Variants in SLC26A9 observed in about 807,000 individuals in gnomAD.
SLC26A9 encodes anion transporter/exchanger protein 9.
In SLC26A9, 46 loss-of-function variants were observed where a neutral mutation model predicts 87.1. That is an observed-to-expected ratio of 0.53 (90% confidence interval 0.42 to 0.67). The LOEUF (loss-of-function observed/expected upper bound fraction) is 0.67. Ranked by LOEUF, SLC26A9 falls within the 30% of genes least tolerant of loss-of-function variation. The pLI, the probability that SLC26A9 is intolerant of heterozygous loss-of-function variation, is 0.00. For missense variants in SLC26A9, 927 were observed against 1,018.3 expected, an observed-to-expected ratio of 0.91 and a Z score of 1.22; for synonymous variants, 437 against 409.1, an observed-to-expected ratio of 1.07 and a Z score of -0.82.
At position 205,924,468 on chromosome 1, in the gene SLC26A9, G is replaced by A; in HGVS notation, c.1411C>T (p.Leu471Phe). 6.2e-7 allele frequency: 1 copy of A among 1,614,178 alleles called. No homozygotes were observed. Among genetic ancestry groups the A allele is most frequent in the Non-Finnish European group, 8.5e-7 (1 of 1,180,032 alleles). ...LDCCIWVVSF[L>F]SSFFLSLPYG... ...GGCAGGCTGAGGAAGAAGGAGGAGA[G>A]GAAGCTCACTACCCAGATGCACTGT... The change falls in exon 13 of 21, where the codon CTC becomes TTC. Residue 471 changes from leucine (L) to phenylalanine (F), a missense_variant. Leu to Phe is a conservative substitution (Grantham distance 22, BLOSUM62 0). Transcript: ENST00000367135.
rs902002881 is a variant in SLC26A9 at position 205,926,526 on chromosome 1, G to A, written c.1389+9C>T. 7 of 1,612,984 alleles carry A rather than the reference G, an allele frequency of 4.3e-6. No homozygotes were observed. The highest frequency in any genetic ancestry group is 2.2e-5 in the East Asian group (1 of 44,882). On this transcript the variant is annotated intron_variant, in intron 12 of 20. Coordinates refer to ENST00000367135, the MANE Select transcript of SLC26A9 (RefSeq NM_052934.4). Reference sequence around the variant, plus strand: ...CATGGCCAGTACCCAGAGGCTGCCCGATACTTACACAGTCCAGCTTGCTCT... The same window carrying A: ...CATGGCCAGTACCCAGAGGCTGCCCAATACTTACACAGTCCAGCTTGCTCT...
intron 9 of SLC26A9, 137 bp from the exon 10 acceptor site, chr1:205,927,742 T>C: frequency 1.4e-6 from 2 of 1,395,252 alleles, no homozygotes; most frequent in Non-Finnish European, 2.0e-6. Context: ...ACATTCCCAG[T>C]CAAGAGGAGG....
intron 4 of SLC26A9, 106 bp downstream of exon 4, chr1:205,932,596 A>G: frequency 2.1e-6 from 2 of 947,444 alleles, no homozygotes; most frequent in Non-Finnish European, 3.1e-6. Flanking sequence ...CTGACCAGGA[A>G]CAACTCCAGG....
Position 205,923,598 on chromosome 1 carries a change from T to C in SLC26A9, c.1512A>G (p.Ala504=), listed in dbSNP as rs1020488115. Residue 504 remains alanine, a synonymous_variant, in exon 14 of 21, where the codon GCA becomes GCG. Transcript: ENST00000367135. ...TGTCAGTGTCCATGACCTGGGCCAG[T>C]GCATAGCCATTTCGACTGGATGAAG... is the stretch of plus-strand genomic sequence containing the variant. ...VFQTQFRNGY[A]LAQVMDTDIY... The C allele has an allele frequency of 1.2e-6, 2 of 1,614,080 alleles. No homozygotes were observed. The highest frequency in any genetic ancestry group is 1.1e-5 in the South Asian group (1 of 91,082).
intron 19 of SLC26A9, among the ~76,000 whole-genome samples, chr1:205,918,457 C>T (rs1478742324): frequency 1.3e-5 from 2 of 152,142 alleles, no homozygotes; most frequent in Admixed American, 6.6e-5. Context: ...CCTCCCTTCC[C>T]GAAAGCCCCC....
rs74979119 is a variant in SLC26A9, at chr1:205,941,737, C to T, written c.-19+1628G>A. Among the ~76,000 whole-genome samples the T allele has an allele frequency of 5.0e-3, 763 of 152,262 alleles. 4 individuals are homozygous for T. Among genetic ancestry groups the T allele is most frequent in the African/African-American group, 0.018 (743 of 41,550 alleles). On this transcript the variant is annotated intron_variant, in intron 1 of 20. Coordinates refer to ENST00000367135, the MANE Select transcript of SLC26A9 (RefSeq NM_052934.4). ...GGGTGCTGGGCTGAGGAAATAGGCT[C>T]CAGAAAGAGGGACCAAGGCTAGACT...
chr1:205,926,481 G>T, intron 12 of SLC26A9, 54 bp downstream of exon 12: 1 of 1,433,674 alleles, frequency 7.0e-7, no homozygotes, highest in Non-Finnish European at 9.8e-7. Flanking sequence ...GGGCTGTGGG[G>T]TTGGAGGAGA....
chr1:205,936,493 G>T (rs1253972451), intron 1 of SLC26A9, among the ~76,000 whole-genome samples: 11 of 152,092 alleles, frequency 7.2e-5, no homozygotes, highest in Non-Finnish European at 1.2e-4. Flanking sequence ...GTGTACTGCC[G>T]CTCCTCTCCT....
chr1:205,921,453 C>T, intron 17 of SLC26A9, 113 bp downstream of exon 17: 2 of 1,358,376 alleles, frequency 1.5e-6, no homozygotes, highest in Non-Finnish European at 2.0e-6. Flanking sequence ...GTTAGTCTCC[C>T]CAGTGAGCTT....
At position 205,930,016 on chromosome 1, in the gene SLC26A9, T is replaced by C; in HGVS notation, c.593A>G (p.Tyr198Cys). 1 of 1,613,156 alleles carries C rather than the reference T, an allele frequency of 6.2e-7. No individual in the cohort carries two copies. Among genetic ancestry groups the C allele is most frequent in the Non-Finnish European group, 8.5e-7 (1 of 1,179,276 alleles). ...GFMQFGFVAI[Y>C]LSESFIRGFM... ...GCCCCGGATGAAGGACTCGGAGAGGTAGATGGCCACAAAGCCAAACTGCAT... is the reference window on the plus strand; with the variant it reads ...GCCCCGGATGAAGGACTCGGAGAGGCAGATGGCCACAAAGCCAAACTGCAT... Residue 198 changes from tyrosine to cysteine, a missense_variant, in exon 6 of 21, where the codon TAC becomes TGC. Tyr to Cys is a radical substitution (Grantham distance 194). Coordinates refer to ENST00000367135, the MANE Select transcript of SLC26A9 (RefSeq NM_052934.4).
intron 5 of SLC26A9, among the ~76,000 whole-genome samples, chr1:205,931,465 G>GTTTTTTTTTGTTTTTTTTTTTTT (rs1659301135): frequency 1.0e-5 from 1 of 96,012 alleles, no homozygotes; most frequent in Non-Finnish European, 2.0e-5. Context: ...CCCTAACTTG[G>GTTTTTTTTTGTTTTTTTTTTTTT]TTTTTTTTTT....
intron 10 of SLC26A9, 100 bp downstream of exon 10, chr1:205,927,392 A>G: frequency 1.3e-6 from 2 of 1,552,930 alleles, no homozygotes; most frequent in Non-Finnish European, 1.8e-6. Context: ...GACGGGAAGA[A>G]GGGGTCGGAG....
At position 205,922,294 on chromosome 1, in the gene SLC26A9, G is replaced by A. The variant is rs1658874314; in HGVS notation, c.1774-447C>T. The stretch of plus-strand genomic sequence containing the variant: ...TGGGATTACAGGTGCCCACCACCAC[G>A]CCTGGCTAATTTTTGTGTATTTTTA... On this transcript the variant is annotated intron_variant, in intron 16 of 20. Transcript: ENST00000367135. 2.6e-5 allele frequency among the ~76,000 whole-genome samples: 4 copies of A among 152,276 alleles called. No homozygotes were observed. The South Asian group carries it at 6.2e-4, about 24-fold the overall frequency.
intron 1 of SLC26A9, among the ~76,000 whole-genome samples, chr1:205,937,690 G>A (rs1015037635): frequency 5.3e-5 from 8 of 152,140 alleles, no homozygotes; most frequent in East Asian, 3.9e-4. Flanking sequence ...TTCACCGCCC[G>A]TGAGGCGGGG....
At chr1:205,939,013 C>T (rs1158645510) in intron 1 of SLC26A9, among the ~76,000 whole-genome samples, 1 of 152,178 alleles carries the variant, frequency 6.6e-6, no homozygotes, top group Non-Finnish European at 1.5e-5. Flanking sequence ...GAGGAAAAGC[C>T]TCCCTTGCTT....
rs778171012 is a variant in SLC26A9 at position 205,928,006 on chromosome 1, T to C, written c.997A>G (p.Met333Val). The C allele has an allele frequency of 1.2e-6, 2 of 1,614,018 alleles. No homozygotes were observed. Among genetic ancestry groups the C allele is most frequent in the African/African-American group, 2.7e-5 (2 of 74,924 alleles). Residue 333 changes from methionine (M) to valine (V), a missense_variant, in exon 9 of 21, where the codon ATG becomes GTG. Met to Val is a conservative substitution (Grantham distance 21). Coordinates refer to ENST00000367135, the MANE Select transcript of SLC26A9 (RefSeq NM_052934.4). ...GCTAGGGAGAAGGCTGTGCCTATCA[T>C]GTCCTTCCACTGTGAGACCACAGGC... ...VSPVVSQWKD[M>V]IGTAFSLAIV...
chr1:205,929,911 C>T lies in SLC26A9; in HGVS notation c.698G>A (p.Gly233Asp). The change falls in exon 6 of 21, where the codon GGC (glycine) becomes GAC (aspartate). Residue 233 changes from glycine to aspartate, a missense_variant. Physicochemically the swap from Gly to Asp is moderately conservative, Grantham distance 94. Transcript: ENST00000367135. ...ACTCACAAAGACGATGGACCCTGGG[C>T]CTGTGTAGGAGGGGATGGTCAGTCC... ...IFGLTIPSYT[G>D]PGSIVFTFID... 6.2e-7 allele frequency: 1 copy of T among 1,603,778 alleles called. No homozygotes were observed. Among genetic ancestry groups the T allele is most frequent in the Non-Finnish European group, 8.5e-7 (1 of 1,171,418 alleles).
At position 205,927,529 on chromosome 1, in the gene SLC26A9, A is replaced by T; in HGVS notation, c.1178T>A (p.Val393Asp). The T allele has an allele frequency of 6.2e-7, 1 of 1,614,122 alleles. No individual in the cohort carries two copies. The change falls in exon 10 of 21, where the codon GTC (valine) becomes GAC (aspartate). Residue 393 changes from valine (V) to aspartate (D), a missense_variant. Coordinates refer to ENST00000367135, the MANE Select transcript of SLC26A9 (RefSeq NM_052934.4). ...TCCAGCTCCATCCACAGCCAGAGTG[A>T]CAGAAAGCGCACAGCAAATGACATG... is the stretch of plus-strand genomic sequence containing the variant. ...KIHVICCALS[V>D]TLAVDGAGGK...
intron 6 of SLC26A9, 101 bp from the exon 7 acceptor site, chr1:205,929,457 T>G: frequency 6.6e-7 from 1 of 1,515,410 alleles, no homozygotes. Flanking sequence ...TCAAAGCTAA[T>G]GGAGGCACAC....
Sources: gnomAD v4.1 joint callset for allele counts (sites outside exome capture counted in the v4.1 genomes callset) on GRCh38, gnomAD v4.1.1 for gene constraint, MANE v1.5 for transcripts, NCBI Gene and HGNC (gene_info 2026-07-23, HGNC 2026-07-21) for gene names.